The following NBEA variants were observed in gnomAD, a reference collection of about 807,000 sequenced individuals.
NBEA encodes the protein neurobeachin, also known as lysosomal-trafficking regulator 2.
Under a neutral mutation model 343.4 loss-of-function variants are expected in NBEA, and 44 were observed. The observed-to-expected ratio is 0.13, with a 90% CI of 0.10 to 0.16. The LOEUF (loss-of-function observed/expected upper bound fraction) is 0.16. Ranked by LOEUF, NBEA falls within the 10% of genes least tolerant of loss-of-function variation. The pLI, the probability that NBEA is intolerant of heterozygous loss-of-function variation, is 1.00. For missense variants in NBEA, 2,555 were observed against 3,631.3 expected, an observed-to-expected ratio of 0.70 and a Z score of 7.62; for synonymous variants, 1,175 against 1,238.7, an observed-to-expected ratio of 0.95 and a Z score of 1.08.
In NBEA at chr13:35,084,070, A is replaced by G. The variant is rs569645218; in HGVS notation, c.1571+13218A>G. Among the ~76,000 whole-genome samples, 4 of 152,324 alleles carry G rather than the reference A, an allele frequency of 2.6e-5. No homozygotes were observed. In the South Asian group the frequency reaches 8.3e-4, roughly 32 times the overall value. On this transcript the variant is annotated intron_variant, in intron 10 of 58. Coordinates refer to ENST00000379939, the MANE Select transcript of NBEA (RefSeq NM_001385012.1). ...ACCCAATACAGGAGCACCCAGATTC[A>G]TAAAGCAAGTCCTTAGAGACCTAGA...
chr13:35,279,763 A>C (rs1482941297), intron 34 of NBEA, among the ~76,000 whole-genome samples: 1 of 152,128 alleles, frequency 6.6e-6, no homozygotes, highest in African/African-American at 2.4e-5. Context: ...ATCAAAACAC[A>C]ATTTTTCCCA....
intron 38 of NBEA, among the ~76,000 whole-genome samples, chr13:35,371,892 C>T (rs2105174): frequency 0.3 from 46,003 of 152,066 alleles, 9,225 homozygotes; most frequent in African/African-American, 0.57. Flanking sequence ...CAGTTGTATC[C>T]ATGATTTCCT....
chr13:35,548,727 T>C (rs372714642), intron 41 of NBEA, among the ~76,000 whole-genome samples: 4 of 152,192 alleles, frequency 2.6e-5, no homozygotes, highest in African/African-American at 9.7e-5. Flanking sequence ...CCTGTATCAC[T>C]ATCCCTTTCC....
At chr13:34,984,663 T>A (rs1348715742) in intron 1 of NBEA, among the ~76,000 whole-genome samples, 1 of 150,704 alleles carries the variant, frequency 6.6e-6, no homozygotes, top group Non-Finnish European at 1.5e-5. Flanking sequence ...ATATTGATTC[T>A]TCATGAGCAT....
intron 48 of NBEA, among the ~76,000 whole-genome samples, chr13:35,624,394 A>T (rs957829429): frequency 1.1e-4 from 16 of 152,154 alleles, no homozygotes; most frequent in Non-Finnish European, 2.1e-4. Flanking sequence ...TATGGAGAAA[A>T]TTTTATTTTT....
intron 44 of NBEA, among the ~76,000 whole-genome samples, chr13:35,562,559 T>G (rs554155103): frequency 3.8e-4 from 58 of 152,166 alleles, no homozygotes; most frequent in Non-Finnish European, 6.3e-4. Flanking sequence ...AACCTTTTTC[T>G]CCTGTTTAGC....
chr13:35,610,375 G>A (rs1450346051), intron 48 of NBEA, among the ~76,000 whole-genome samples: 5 of 151,970 alleles, frequency 3.3e-5, no homozygotes, highest in Admixed American at 6.6e-5. Context: ...CCGAGATCGC[G>A]CCACTGCACT....
chr13:35,321,858 C>G (rs777947879), intron 36 of NBEA, among the ~76,000 whole-genome samples: 2 of 152,168 alleles, frequency 1.3e-5, no homozygotes, highest in Non-Finnish European at 2.9e-5. Flanking sequence ...CGGAGGGCTC[C>G]GCCCAGTTGA....
In NBEA at chr13:35,303,347, A is replaced by G. The variant is rs535434831; in HGVS notation, c.5839-6181A>G. ...ATAACAAGAGGTGGATTGTATGTTA[A>G]TCACTATTGACCCAGTAGATCACTA... is the stretch of plus-strand genomic sequence containing the variant. On this transcript the variant is annotated intron_variant, in intron 35 of 58. Coordinates refer to ENST00000379939, the MANE Select transcript of NBEA (RefSeq NM_001385012.1). 5.1e-4 allele frequency among the ~76,000 whole-genome samples: 78 copies of G among 152,292 alleles called. 1 individual carries two copies. In the South Asian group the frequency reaches 0.015, roughly 30 times the overall value.
chr13:35,081,721 T>C (rs1366411457), intron 10 of NBEA, among the ~76,000 whole-genome samples: 1 of 152,136 alleles, frequency 6.6e-6, no homozygotes, highest in East Asian at 1.9e-4. Context: ...AACAGCAATT[T>C]GTGGAGTATA....
intron 1 of NBEA, among the ~76,000 whole-genome samples, chr13:35,015,894 A>G (rs1385270797): frequency 6.6e-6 from 1 of 152,146 alleles, no homozygotes; most frequent in Non-Finnish European, 1.5e-5. Context: ...CACAAAGTGC[A>G]GTTATAATTA....
At chr13:35,504,053 T>C (rs1213469183) in intron 41 of NBEA, among the ~76,000 whole-genome samples, 1 of 152,190 alleles carries the variant, frequency 6.6e-6, no homozygotes, top group African/African-American at 2.4e-5. Flanking sequence ...TTATGCTATC[T>C]AGGAAGAGAA....
intron 39 of NBEA, among the ~76,000 whole-genome samples, chr13:35,438,713 C>T (rs2045576186): frequency 6.6e-6 from 1 of 152,158 alleles, no homozygotes; most frequent in South Asian, 2.1e-4. Context: ...GAGAGAAAGA[C>T]ATGCAGGAAG....
intron 34 of NBEA, among the ~76,000 whole-genome samples, chr13:35,271,337 A>G (rs972731780): frequency 2.0e-5 from 3 of 152,222 alleles, no homozygotes; most frequent in Non-Finnish European, 2.9e-5. Flanking sequence ...ATCCACACCA[A>G]AATCCCATCC....
chr13:35,308,448 A>ATATATATATATATATATG (rs2037060001), intron 35 of NBEA, among the ~76,000 whole-genome samples: 1 of 112,628 alleles, frequency 8.9e-6, no homozygotes, highest in African/African-American at 4.3e-5. Context: ...CTATATATAT[A>ATATATATATATATATATG]TATATATATA....
chr13:34,994,306 A>C (rs1035060799), intron 1 of NBEA, among the ~76,000 whole-genome samples: 2 of 151,794 alleles, frequency 1.3e-5, no homozygotes, highest in Non-Finnish European at 2.9e-5. Context: ...CCTTACATTA[A>C]TTTTAATTAT....
chr13:34,980,396 G>T (rs957267805), intron 1 of NBEA, among the ~76,000 whole-genome samples: 1 of 151,304 alleles, frequency 6.6e-6, no homozygotes, highest in Non-Finnish European at 1.5e-5. Context: ...ATGTTTTCTG[G>T]TTTCTAGTTT....
intron 55 of NBEA, among the ~76,000 whole-genome samples, chr13:35,658,293 TG>T (rs2084915376): frequency 7.8e-6 from 1 of 128,788 alleles, no homozygotes; most frequent in Admixed American, 8.2e-5. Flanking sequence ...GAAAAGCTGT[TG>T]TCATCATTAT....
intron 38 of NBEA, among the ~76,000 whole-genome samples, chr13:35,426,681 G>C (rs1346938631): frequency 3.9e-5 from 6 of 152,104 alleles, no homozygotes. Flanking sequence ...TCCTGAATTT[G>C]AATGTTGGCC....
Sources: allele counts gnomAD v4.1 joint callset (sites outside exome capture counted in the v4.1 genomes callset), GRCh38; gene constraint gnomAD v4.1.1; transcripts MANE v1.5; gene names NCBI Gene and HGNC (gene_info 2026-07-23, HGNC 2026-07-21).